The following UBN2 variants were observed in gnomAD, a reference collection of about 807,000 sequenced individuals.
UBN2 encodes ubinuclein-2.
UBN2 carries 35 observed loss-of-function variants against 120.2 expected under a neutral mutation model. The ratio of observed to expected loss-of-function variants is 0.29; its 90% CI spans 0.22 to 0.39. The LOEUF (loss-of-function observed/expected upper bound fraction) is 0.39, where lower values mean the gene tolerates loss of function less well. UBN2 is among the 10% of genes least tolerant of loss of function. UBN2 has a pLI of 1.00. For synonymous variants in UBN2, 661 were observed against 648.7 expected, an observed-to-expected ratio of 1.02 and a Z score of -0.29; for missense variants, 1,693 against 1,663.2, an observed-to-expected ratio of 1.02 and a Z score of -0.31.
chr7:139,297,759 A>G (rs1202171415), intron 17 of UBN2, 28 bp from the exon 18 acceptor site: 1 of 1,612,792 alleles, frequency 6.2e-7, no homozygotes, highest in African/African-American at 1.3e-5. Flanking sequence ...ATATGGACCC[A>G]TACCAATTTA....
intron 3 of UBN2, among the ~76,000 whole-genome samples, chr7:139,254,047 A>C (rs1239364665): frequency 2.0e-5 from 3 of 152,118 alleles, no homozygotes; most frequent in Non-Finnish European, 4.4e-5. Flanking sequence ...TAATCCCAGC[A>C]CTTTGGGAGG....
intron 2 of UBN2, among the ~76,000 whole-genome samples, chr7:139,248,979 A>G (rs1796545270): frequency 4.0e-5 from 6 of 151,650 alleles, no homozygotes; most frequent in Admixed American, 3.9e-4. Flanking sequence ...TGTTGTATGT[A>G]TATATGTGTA....
intron 6 of UBN2, among the ~76,000 whole-genome samples, chr7:139,264,865 T>G (rs112792556): frequency 0.02 from 3,089 of 152,244 alleles, 117 homozygotes; most frequent in African/African-American, 0.07. Context: ...GGATTACAAG[T>G]GTGAGCCACC....
At chr7:139,322,525 C>T in the UBN2 span, among the ~76,000 whole-genome samples, 1 of 152,058 alleles carries the variant, frequency 6.6e-6, no homozygotes, top group Non-Finnish European at 1.5e-5. Context: ...TCCCCTGGCC[C>T]TCTTGGCCCA....
At chr7:139,291,848 C>A (rs1049411859) in intron 15 of UBN2, among the ~76,000 whole-genome samples, 2 of 150,780 alleles carry the variant, frequency 1.3e-5, no homozygotes, top group African/African-American at 4.9e-5. Flanking sequence ...AGTGAAACCC[C>A]GTCTCTAAAA....
chr7:139,295,923 C>G (rs944020516), intron 17 of UBN2, among the ~76,000 whole-genome samples: 24 of 151,048 alleles, frequency 1.6e-4, no homozygotes, highest in African/African-American at 5.8e-4. Flanking sequence ...TCTGTCCCCC[C>G]CAAAAAAAAA....
At chr7:139,315,054 C>G in the UBN2 span, among the ~76,000 whole-genome samples, 1 of 152,008 alleles carries the variant, frequency 6.6e-6, no homozygotes, top group African/African-American at 2.4e-5. Context: ...CGGCTCACTG[C>G]AAGCTCCGCC....
At chr7:139,263,361 G>A (rs1286693805) in intron 6 of UBN2, among the ~76,000 whole-genome samples, 1 of 152,028 alleles carries the variant, frequency 6.6e-6, no homozygotes, top group Non-Finnish European at 1.5e-5. Flanking sequence ...CTACCCTCAA[G>A]GAGCTTATTT....
At chr7:139,253,024 A>G (rs895574439) in intron 3 of UBN2, among the ~76,000 whole-genome samples, 1 of 152,212 alleles carries the variant, frequency 6.6e-6, no homozygotes, top group African/African-American at 2.4e-5. Context: ...TAAAGTACCC[A>G]AAGGCCCCAG....
chr7:139,261,781 A>G (rs1255993984), intron 6 of UBN2, 40 bp downstream of exon 6: 3 of 1,575,162 alleles, frequency 1.9e-6, no homozygotes, highest in Admixed American at 1.8e-5. Context: ...TTGCTGCACA[A>G]ACATAAGAAT....
the UBN2 span, among the ~76,000 whole-genome samples, chr7:139,322,056 C>T: frequency 6.6e-6 from 1 of 151,932 alleles, no homozygotes; most frequent in Admixed American, 6.6e-5. Flanking sequence ...TCACTGCAAC[C>T]TCTGCCTCCC....
At chr7:139,277,322 T>C (rs1797473839) in intron 12 of UBN2, 1 of 152,214 alleles carries the variant, frequency 6.6e-6, no homozygotes, top group African/African-American at 2.4e-5. Flanking sequence ...CAGAAATCCA[T>C]GTGTAACTTT....
chr7:139,295,879 C>T (rs2131071556), intron 17 of UBN2, among the ~76,000 whole-genome samples: 1 of 152,282 alleles, frequency 6.6e-6, no homozygotes, highest in East Asian at 1.9e-4. Flanking sequence ...TCTGATTGTG[C>T]CACCGCACTC....
intron 2 of UBN2, among the ~76,000 whole-genome samples, chr7:139,250,965 G>A (rs1011714616): frequency 2.0e-5 from 3 of 151,838 alleles, no homozygotes; most frequent in Non-Finnish European, 2.9e-5. Flanking sequence ...AAAATTAGCC[G>A]GGCTTTGAGG....
At chr7:139,293,720 G>A (rs1798030107) in intron 16 of UBN2, 169 bp from the exon 17 acceptor site, 3 of 666,238 alleles carry the variant, frequency 4.5e-6, no homozygotes, top group South Asian at 3.8e-5. Flanking sequence ...GTTGGGTTAT[G>A]TGCATACACA....
intron 2 of UBN2, 75 bp from the exon 3 acceptor site, chr7:139,251,881 C>T: frequency 1.4e-6 from 2 of 1,414,934 alleles, no homozygotes; most frequent in South Asian, 2.3e-5. Context: ...TATTTGAATT[C>T]TTCTAACAGG....
chr7:139,283,706 C>T lies in UBN2; in HGVS notation c.2801C>T (p.Ala934Val). 1 of 1,614,060 alleles carries T rather than the reference C, an allele frequency of 6.2e-7. No homozygotes were observed. ...GTAACAAAGGTGCACCAGCATTCAGCTGTCCAGCAGAACTATGTGTCTCCA... is the reference window on the plus strand; with the variant it reads ...GTAACAAAGGTGCACCAGCATTCAGTTGTCCAGCAGAACTATGTGTCTCCA... ...TQVTKVHQHS[A>V]VQQNYVSPLQ... The change falls in exon 15 of 18, where the codon GCT becomes GTT. Residue 934 changes from alanine (A) to valine (V), a missense_variant. Coordinates refer to ENST00000473989, the MANE Select transcript of UBN2 (RefSeq NM_173569.4).
intron 8 of UBN2, among the ~76,000 whole-genome samples, chr7:139,270,362 A>G (rs1169739348): frequency 1.4e-5 from 2 of 146,626 alleles, no homozygotes; most frequent in East Asian, 4.1e-4. Context: ...ACCATCTCCC[A>G]GGTTCAAGCA....
intron 6 of UBN2, among the ~76,000 whole-genome samples, chr7:139,265,531 C>A (rs1053201546): frequency 6.6e-6 from 1 of 152,058 alleles, no homozygotes; most frequent in African/African-American, 2.4e-5. Context: ...ATATTCTAAT[C>A]CTTGGAATCT....
Sources: gnomAD v4.1 joint callset for allele counts (sites outside exome capture counted in the v4.1 genomes callset) on GRCh38, gnomAD v4.1.1 for gene constraint, MANE v1.5 for transcripts, NCBI Gene and HGNC (gene_info 2026-07-23, HGNC 2026-07-21) for gene names.